Variants in GALNT2 observed in about 807,000 individuals in gnomAD.
The protein encoded by GALNT2 is polypeptide N-acetylgalactosaminyltransferase 2, also known as UDP-GalNAc:polypeptide N-acetylgalactosaminyltransferase 2.
A neutral mutation model predicts 81.4 loss-of-function variants in GALNT2; 31 were observed. The observed-to-expected ratio is 0.38, with a 90% CI of 0.29 to 0.51. The LOEUF is 0.51. GALNT2 is among the 20% of genes least tolerant of loss of function. The probability of loss-of-function intolerance (pLI) is 0.87; values close to 1 mark genes in which losing one functional copy is unlikely to be tolerated. For synonymous variants in GALNT2, 303 were observed against 287.4 expected (o/e 1.05, Z -0.55); for missense variants, 629 against 765.7 (o/e 0.82, Z 2.11).
intron 1 of GALNT2, among the ~76,000 whole-genome samples, chr1:230,076,087 G>A (rs1475833404): frequency 6.6e-6 from 1 of 152,204 alleles, no homozygotes; most frequent in Non-Finnish European, 1.5e-5. Flanking sequence ...TCTCCTCGAT[G>A]AGGCATGAAT....
At chr1:230,113,516 T>C (rs1313056883) in intron 1 of GALNT2, among the ~76,000 whole-genome samples, 1 of 152,122 alleles carries the variant, frequency 6.6e-6, no homozygotes, top group Non-Finnish European at 1.5e-5. Context: ...GAAGCCTGCA[T>C]AGCACAGCTA....
intron 1 of GALNT2, among the ~76,000 whole-genome samples, chr1:230,177,660 G>A (rs1663024993): frequency 1.3e-5 from 2 of 152,170 alleles, no homozygotes; most frequent in East Asian, 3.9e-4. Context: ...CTGTTTCATT[G>A]GCAGTCCTAT....
At chr1:230,217,284 G>A (rs1193977185) in intron 3 of GALNT2, among the ~76,000 whole-genome samples, 1 of 152,194 alleles carries the variant, frequency 6.6e-6, no homozygotes, top group African/African-American at 2.4e-5. Flanking sequence ...CTGACAGGAA[G>A]GTGTTTAGGC....
rs373516294 is a variant in GALNT2, at chr1:230,109,585, C to T, written c.126+42179C>T. 6.6e-5 allele frequency among the ~76,000 whole-genome samples: 10 copies of T among 152,182 alleles called. No individual in the cohort carries two copies. The South Asian group carries it at 1.2e-3, about 19-fold the overall frequency. ...GCTCACGCATGTAATCCCAGCACTT[C>T]GGGAGGCCGAGGCAGGTGGATCACC... On this transcript the variant is annotated intron_variant, in intron 1 of 15. Transcript: ENST00000366672.
intron 1 of GALNT2, among the ~76,000 whole-genome samples, chr1:230,135,509 G>T (rs1207980555): frequency 2.0e-5 from 3 of 152,160 alleles, no homozygotes; most frequent in African/African-American, 7.2e-5. Flanking sequence ...GAAGCCATCC[G>T]AATCAGGTTT....
chr1:230,274,686 T>G, intron 15 of GALNT2, 122 bp downstream of exon 15: 1 of 1,198,252 alleles, frequency 8.3e-7, no homozygotes, highest in East Asian at 2.7e-5. Context: ...TTATGTGTTC[T>G]TTTGCATCAC....
chr1:230,075,006 C>T (rs1187241968), intron 1 of GALNT2, among the ~76,000 whole-genome samples: 1 of 151,736 alleles, frequency 6.6e-6, no homozygotes, highest in African/African-American at 2.4e-5. Flanking sequence ...TCCCATGCCC[C>T]TTCCTTGCAT....
In GALNT2 at chr1:230,067,335, A is replaced by G; in HGVS notation, c.55A>G (p.Ile19Val). The G allele has an allele frequency of 7.2e-7, 1 of 1,387,792 alleles. No homozygotes were observed. The highest frequency in any genetic ancestry group is 9.5e-7 in the Non-Finnish European group (1 of 1,057,840). 86.0% of individuals were successfully genotyped at this position (1,387,792 alleles called of 1,614,324 possible). The change falls in exon 1 of 16, where the codon ATC (isoleucine) becomes GTC (valine). Residue 19 changes from isoleucine (I) to valine (V), a missense_variant. By Grantham distance (29) the Ile-to-Val change is conservative. This residue lies in a region of GALNT2 where 62 missense variants were observed against 47.3 expected (regional missense o/e 1.31). Coordinates refer to ENST00000366672, the MANE Select transcript of GALNT2 (RefSeq NM_004481.5). ...CTTCGCCTTCCTGTGGGTGCTGGGCATCGCCTACTACATGTACTCGGGGGG... is the reference window on the plus strand; with the variant it reads ...CTTCGCCTTCCTGTGGGTGCTGGGCGTCGCCTACTACATGTACTCGGGGGG... ...LCFAFLWVLGIAYYMYSGGGS... is the reference protein window; with the variant it reads ...LCFAFLWVLGVAYYMYSGGGS...
At chr1:230,083,751 G>A (rs991901583) in intron 1 of GALNT2, among the ~76,000 whole-genome samples, 3 of 152,198 alleles carry the variant, frequency 2.0e-5, no homozygotes, top group African/African-American at 4.8e-5. Flanking sequence ...AATGACAGTG[G>A]GGGTTACTCT....
chr1:230,124,266 T>C (rs1661107747), intron 1 of GALNT2, among the ~76,000 whole-genome samples: 1 of 152,174 alleles, frequency 6.6e-6, no homozygotes, highest in Non-Finnish European at 1.5e-5. Context: ...GATGTAGACA[T>C]GGAGACAGCA....
chr1:230,262,629 C>T lies in GALNT2; in HGVS notation c.1193C>T (p.Ala398Val). The change falls in exon 12 of 16, where the codon GCA becomes GTA. Residue 398 changes from alanine to valine, a missense_variant. Ala to Val is a moderately conservative substitution (Grantham distance 64). This residue lies in a region of GALNT2 where 207 missense variants were observed against 225.5 expected (regional missense o/e 0.92). Transcript: ENST00000366672. ...WMDEYKNFYY[A>V]AVPSARNVPY... ...GATGAATACAAAAATTTCTATTATGCAGCAGTGCCTTCTGCTAGAAACGTT... is the reference window on the plus strand; with the variant it reads ...GATGAATACAAAAATTTCTATTATGTAGCAGTGCCTTCTGCTAGAAACGTT... The T allele has an allele frequency of 6.2e-7, 1 of 1,614,084 alleles. No individual in the cohort carries two copies. Among genetic ancestry groups the T allele is most frequent in the Non-Finnish European group, 8.5e-7 (1 of 1,179,988 alleles).
At chr1:230,190,103 CATA>C (rs1424465998) in intron 2 of GALNT2, among the ~76,000 whole-genome samples, 5 of 152,322 alleles carry the variant, frequency 3.3e-5, no homozygotes, top group African/African-American at 9.6e-5. Flanking sequence ...ACAGTGTTGT[CATA>C]AGGAAAATAA....
rs72647710 is a variant in GALNT2 at position 230,279,698 on chromosome 1, C to T, written c.*240C>T. ...CCCAGCCGGGCCCCCTTCCCCAGGCCGGAGCGCCCCTCTTCCTTCCAGCTT... is the reference window on the plus strand; with the variant it reads ...CCCAGCCGGGCCCCCTTCCCCAGGCTGGAGCGCCCCTCTTCCTTCCAGCTT... On this transcript the variant is annotated 3_prime_UTR_variant, in exon 16 of 16. Coordinates refer to ENST00000366672, the MANE Select transcript of GALNT2 (RefSeq NM_004481.5). This position sits in a 1 kb window ranked among gnomAD's most constrained non-coding sequence, Gnocchi z 4.6. 1.0e-3 allele frequency: 565 copies of T among 566,320 alleles called. 1 individual carries two copies. Among genetic ancestry groups the T allele is most frequent in the African/African-American group, 6.7e-3 (357 of 53,678 alleles). The allele number at this position is 566,320 out of a possible 1,614,324, so 35.1% of individuals were successfully genotyped here.
At position 230,194,804 on chromosome 1, in the gene GALNT2, C is replaced by T. The variant is rs1572072425; in HGVS notation, c.221-8333C>T. 3.3e-5 allele frequency among the ~76,000 whole-genome samples: 5 copies of T among 152,324 alleles called. No homozygotes were observed. In the East Asian group the frequency reaches 9.6e-4, roughly 29 times the overall value. On this transcript the variant is annotated intron_variant, in intron 2 of 15. Transcript: ENST00000366672. ...ATTACTGAAGTGCACTGCTTAGCAG[C>T]TTCCGGGCTGGGCCCCCATCCACCA...
intron 1 of GALNT2, among the ~76,000 whole-genome samples, chr1:230,116,451 A>G (rs1208504544): frequency 6.6e-6 from 1 of 152,074 alleles, no homozygotes; most frequent in Non-Finnish European, 1.5e-5. Context: ...GATGGTCTCG[A>G]TCTCCTGATC....
intron 9 of GALNT2, among the ~76,000 whole-genome samples, chr1:230,249,937 A>G (rs1665491594): frequency 6.6e-6 from 1 of 152,240 alleles, no homozygotes; most frequent in South Asian, 2.1e-4. Flanking sequence ...AGCTCAGTGT[A>G]CATCTGTTGT....
intron 11 of GALNT2, among the ~76,000 whole-genome samples, chr1:230,258,079 T>A (rs1040640391): frequency 2.0e-5 from 3 of 152,076 alleles, no homozygotes; most frequent in Non-Finnish European, 4.4e-5. Flanking sequence ...CATGCCCGGC[T>A]AATTTTTGTA....
chr1:230,160,711 C>T (rs1662405307), intron 1 of GALNT2, among the ~76,000 whole-genome samples: 2 of 142,772 alleles, frequency 1.4e-5, no homozygotes, highest in Non-Finnish European at 3.0e-5. Flanking sequence ...GAGACTCCAT[C>T]TAAAAAAAAA....
intron 1 of GALNT2, among the ~76,000 whole-genome samples, chr1:230,153,075 A>G (rs1482750468): frequency 1.3e-5 from 2 of 152,000 alleles, no homozygotes; most frequent in African/African-American, 4.8e-5. Context: ...TATTATTTTT[A>G]TTTTTAGAGA....
Sources: gnomAD v4.1 joint callset for allele counts (sites outside exome capture counted in the v4.1 genomes callset) on GRCh38, gnomAD v4.1.1 for gene constraint, gnomAD v4.1.1 regional missense constraint, Gnocchi (gnomAD v3.1) non-coding constraint, MANE v1.5 for transcripts, NCBI Gene and HGNC (gene_info 2026-07-23, HGNC 2026-07-21) for gene names.